Variants in BCAP31 observed in about 807,000 individuals in gnomAD.
BCAP31 encodes B cell receptor associated protein 31, also known as B-cell receptor-associated protein 31.
For missense variants in BCAP31, 124 were observed against 193.0 expected, an observed-to-expected ratio of 0.64 and a Z score of 2.12; for synonymous variants, 75 against 80.9, an observed-to-expected ratio of 0.93 and a Z score of 0.39.
intron 7 of BCAP31, among the ~76,000 whole-genome samples, chrX:153,701,325 G>A (rs1557047302): frequency 8.9e-6 from 1 of 112,508 alleles, no homozygotes; most frequent in African/African-American, 3.2e-5. Context: ...AGGTGCCCTC[G>A]AAGCCCATCT....
chrX:153,715,825 T>TA, intron 3 of BCAP31, 136 bp from the exon 4 acceptor site: 1 of 761,290 alleles, frequency 1.3e-6, no homozygotes, highest in Non-Finnish European at 2.0e-6. Context: ...TTCCCACTTC[T>TA]ATGCACATAC....
At chrX:153,705,657 T>C (rs2091549374) in intron 4 of BCAP31, among the ~76,000 whole-genome samples, 2 of 111,779 alleles carry the variant, frequency 1.8e-5, no homozygotes, top group African/African-American at 3.3e-5. Flanking sequence ...TGGCCAGAAG[T>C]CAATGGAGAG....
chrX:153,723,510 G>A, intron 1 of BCAP31: 1 of 1,160,599 alleles, frequency 8.6e-7, no homozygotes, highest in Non-Finnish European at 1.2e-6. Context: ...TCAATTACCT[G>A]CCCCCTCCAG....
intron 3 of BCAP31, among the ~76,000 whole-genome samples, chrX:153,718,415 T>C (rs1029503274): frequency 4.6e-5 from 5 of 109,746 alleles, no homozygotes; most frequent in African/African-American, 1.7e-4. Context: ...AGCAGTCTTA[T>C]CTCAGAGCTG....
At chrX:153,712,936 T>G (rs1171378820) in intron 4 of BCAP31, among the ~76,000 whole-genome samples, 1 of 111,917 alleles carries the variant, frequency 8.9e-6, no homozygotes, top group Non-Finnish European at 1.9e-5. Flanking sequence ...CCAGGCGCGG[T>G]GGCTCACGCC....
chrX:153,701,936 C>T, intron 7 of BCAP31, 71 bp downstream of exon 7: 1 of 1,041,306 alleles, frequency 9.6e-7, no homozygotes, highest in Non-Finnish European at 1.3e-6. Context: ...AAGGTTCCCT[C>T]CGCACCCGCA....
intron 4 of BCAP31, among the ~76,000 whole-genome samples, chrX:153,711,531 G>A (rs3819633): frequency 1.8e-5 from 2 of 112,136 alleles, no homozygotes; most frequent in Admixed American, 9.4e-5. Context: ...TAACCTGCTC[G>A]GGCCATGAGT....
At chrX:153,716,368 C>CCA (rs2148380623) in intron 3 of BCAP31, among the ~76,000 whole-genome samples, 1 of 108,564 alleles carries the variant, frequency 9.2e-6, no homozygotes, top group South Asian at 4.1e-4. Flanking sequence ...TCAAGTTGGC[C>CCA]CATAGCCCCC....
intron 4 of BCAP31, chrX:153,715,301 G>T: frequency 2.4e-6 from 1 of 412,471 alleles, no homozygotes; most frequent in Non-Finnish European, 4.2e-6. Flanking sequence ...GTTTGCCTGA[G>T]AGTATGTGGT....
intron 3 of BCAP31, 35 bp downstream of exon 3, chrX:153,720,837 G>C (rs2091659795): frequency 8.5e-7 from 1 of 1,181,726 alleles, no homozygotes; most frequent in Non-Finnish European, 1.1e-6. Flanking sequence ...CCAGGGTCTA[G>C]GTCAGGTAGC....
At chrX:153,719,989 A>AAAACC (rs1557050703) in intron 3 of BCAP31, among the ~76,000 whole-genome samples, 4 of 111,843 alleles carry the variant, frequency 3.6e-5, no homozygotes, top group Non-Finnish European at 7.5e-5. Context: ...ACGACCTGGG[A>AAAACC]AAACCTCAAG....
chrX:153,723,623 A>G, intron 1 of BCAP31: 6 of 1,167,448 alleles, frequency 5.1e-6, no homozygotes, highest in Non-Finnish European at 6.9e-6. Flanking sequence ...CTTCGGGAAG[A>G]GCAGTGCCAG....
At chrX:153,704,351 T>G (rs1383870041) in intron 4 of BCAP31, among the ~76,000 whole-genome samples, 1 of 112,138 alleles carries the variant, frequency 8.9e-6, no homozygotes, top group Non-Finnish European at 1.9e-5. Context: ...CCTGGGGGGC[T>G]GGGAAGAGCC....
intron 6 of BCAP31, 112 bp from the exon 7 acceptor site, chrX:153,702,219 G>T: frequency 3.3e-6 from 2 of 612,761 alleles, no homozygotes; most frequent in South Asian, 6.1e-5. Context: ...CTCAAACGAG[G>T]TTATACAGGA....
At chrX:153,721,335 GT>G (rs2091664008) in intron 2 of BCAP31, among the ~76,000 whole-genome samples, 1 of 106,981 alleles carries the variant, frequency 9.3e-6, no homozygotes, top group Non-Finnish European at 1.9e-5. Context: ...ACTCAGGAGG[GT>G]GAGGCAGGAG....
At chrX:153,723,114 C>T (rs782574629) in intron 2 of BCAP31, 39 bp downstream of exon 2, 25 of 1,196,447 alleles carry the variant, frequency 2.1e-5, no homozygotes, top group Non-Finnish European at 2.8e-5. Context: ...GCACAGGCAC[C>T]CTCCTGCCTA....
Position 153,715,126 on chromosome X carries a change from G to A in BCAP31, c.341+416C>T, listed in dbSNP as rs781991308. 6.2e-4 allele frequency among the ~76,000 whole-genome samples: 69 copies of A among 111,860 alleles called. 1 individual carries two copies. Among genetic ancestry groups the A allele is most frequent in the Non-Finnish European group, 5.6e-5 (3 of 53,147 alleles). ...AGGTGAGGAGAGGCCCAGCCTCTTC[G>A]TGCCACTTTTACCTGCTGTCCCTAG... On this transcript the variant is annotated intron_variant, in intron 4 of 7. Transcript: ENST00000345046.
Position 153,723,699 on chromosome X carries a change from C to A in BCAP31, c.-44-411G>T, listed in dbSNP as rs782722504. 8 of 1,147,742 alleles carry A rather than the reference C, an allele frequency of 7.0e-6. No individual in the cohort carries two copies. The Admixed American group carries it at 2.1e-4, about 31-fold the overall frequency. The allele number at this position is 1,147,742 out of a possible 1,213,427, so 94.6% of individuals were successfully genotyped here. On this transcript the variant is annotated intron_variant, in intron 1 of 7. Coordinates refer to ENST00000345046, the MANE Select transcript of BCAP31 (RefSeq NM_001256447.2). ...CCTTCCCCGCCAGGCAGAACTCAGCCGCAGAGGCGGGCGCTCTGCGGGCCC... is the reference window on the plus strand; with the variant it reads ...CCTTCCCCGCCAGGCAGAACTCAGCAGCAGAGGCGGGCGCTCTGCGGGCCC...
chrX:153,718,317 CAAAA>C (rs60097594), intron 3 of BCAP31, among the ~76,000 whole-genome samples: 2 of 30,505 alleles, frequency 6.6e-5, no homozygotes, highest in African/African-American at 1.0e-4. Flanking sequence ...GATTCCATCT[CAAAA>C]AAAAAAAAAA....
Sources: gnomAD v4.1 joint callset for allele counts (sites outside exome capture counted in the v4.1 genomes callset) on GRCh38, gnomAD v4.1.1 for gene constraint, MANE v1.5 for transcripts, NCBI Gene and HGNC (gene_info 2026-07-23, HGNC 2026-07-21) for gene names.